RUNX1T1: variants seen among roughly 807,000 people sequenced by gnomAD.
RUNX1T1 encodes protein CBFA2T1.
In RUNX1T1, 4 loss-of-function variants were observed where a neutral mutation model predicts 62.8. The ratio of observed to expected loss-of-function variants is 0.06; its 90% CI spans 0.03 to 0.15. The LOEUF (loss-of-function observed/expected upper bound fraction) is 0.15, where lower values mean the gene tolerates loss of function less well. Ranked by LOEUF, RUNX1T1 falls within the 10% of genes least tolerant of loss-of-function variation. RUNX1T1 has a pLI of 1.00. For missense variants in RUNX1T1, 508 were observed against 754.3 expected (o/e 0.67, Z 3.82); for synonymous variants, 291 against 286.0 (o/e 1.02, Z -0.18).
At chr8:92,000,743 G>C (rs1170974411) in intron 5 of RUNX1T1, among the ~76,000 whole-genome samples, 1 of 152,102 alleles carries the variant, frequency 6.6e-6, no homozygotes, top group South Asian at 2.1e-4. Context: ...CATTAAGCCA[G>C]GAACACAGGC....
At chr8:92,040,750 A>AT (rs981593735) in intron 1 of RUNX1T1, among the ~76,000 whole-genome samples, 44 of 152,076 alleles carry the variant, frequency 2.9e-4, no homozygotes, top group Admixed American at 1.0e-3. Context: ...TTATAATGTA[A>AT]TTTTTTTTAG....
intron 1 of RUNX1T1, among the ~76,000 whole-genome samples, chr8:92,039,615 C>T (rs1828064242): frequency 6.6e-6 from 1 of 152,302 alleles, no homozygotes; most frequent in East Asian, 1.9e-4. Flanking sequence ...AACCTGTGAT[C>T]CACCTTGCCA....
At chr8:92,020,938 G>C (rs1563774099) in intron 1 of RUNX1T1, among the ~76,000 whole-genome samples, 1 of 151,244 alleles carries the variant, frequency 6.6e-6, no homozygotes, top group Non-Finnish European at 1.5e-5. Context: ...GGTACAAAAA[G>C]TAGGTATTCT....
intron 4 of RUNX1T1, 137 bp from the exon 6 acceptor site, chr8:92,005,434 A>T (rs1820569118): frequency 1.4e-6 from 1 of 706,478 alleles, no homozygotes; most frequent in Admixed American, 3.4e-5. Flanking sequence ...ATGGGCTGGA[A>T]CCACAGGCAC....
intron 9 of RUNX1T1, among the ~76,000 whole-genome samples, chr8:91,973,891 G>A (rs370601937): frequency 6.6e-6 from 1 of 152,026 alleles, no homozygotes; most frequent in Admixed American, 6.6e-5. Context: ...TTCCCAAACT[G>A]TTTTTAAGCA....
At chr8:91,977,559 G>A (rs1353337256) in intron 8 of RUNX1T1, 4 of 188,750 alleles carry the variant, frequency 2.1e-5, no homozygotes, top group Admixed American at 6.2e-5. Context: ...GAAATAAAGT[G>A]CAATCAAGTT....
At chr8:92,095,733 G>A (rs571192494) in intron 1 of RUNX1T1, 2 of 538,570 alleles carry the variant, frequency 3.7e-6, no homozygotes, top group Non-Finnish European at 6.0e-6. Context: ...GCCAGAAAGT[G>A]GGGGAGAGCT....
At chr8:92,088,396 C>T (rs1304103909) in intron 1 of RUNX1T1, among the ~76,000 whole-genome samples, 1 of 152,200 alleles carries the variant, frequency 6.6e-6, no homozygotes, top group Non-Finnish European at 1.5e-5. Context: ...GGGTATAGTA[C>T]TTCTAGTTTA....
intron 1 of RUNX1T1, among the ~76,000 whole-genome samples, chr8:92,033,544 G>C (rs1274501945): frequency 6.6e-6 from 1 of 152,130 alleles, no homozygotes; most frequent in Non-Finnish European, 1.5e-5. Context: ...CGGCACTTTC[G>C]GACGGTGAGG....
At chr8:92,099,725 T>A, upstream of RUNX1T1, 1 of 744,884 alleles carries the variant, frequency 1.3e-6, no homozygotes, top group Non-Finnish European at 1.6e-6. Context: ...TCAGTGCCTG[T>A]CAGCTGATGT....
upstream of RUNX1T1, among the ~76,000 whole-genome samples, chr8:92,064,643 A>C (rs1338145591): frequency 1.3e-5 from 2 of 152,100 alleles, no homozygotes; most frequent in Middle Eastern, 3.2e-3. Context: ...TACTATACTT[A>C]TGTTAGAAAG....
intron 2 of RUNX1T1, among the ~76,000 whole-genome samples, chr8:92,016,593 T>C (rs756369319): frequency 6.6e-6 from 1 of 152,068 alleles, no homozygotes; most frequent in Non-Finnish European, 1.5e-5. Context: ...GAGAATCGCT[T>C]GAACTTGGGA....
At chr8:92,060,553 A>ATATATATATATGTGTGTGTGTGTG in intron 1 of RUNX1T1, among the ~76,000 whole-genome samples, 133 of 63,796 alleles carry the variant, frequency 2.1e-3, no homozygotes, top group Non-Finnish European at 2.8e-3. Context: ...ATATATATAT[A>ATATATATATATGTGTGTGTGTGTG]TGTGTGTGTG....
At chr8:92,075,420 A>C (rs1420267787) in intron 2 of RUNX1T1, among the ~76,000 whole-genome samples, 1 of 152,214 alleles carries the variant, frequency 6.6e-6, no homozygotes, top group Non-Finnish European at 1.5e-5. Context: ...TGTTTTCCTA[A>C]ATTAAGATAT....
At chr8:92,093,568 T>C (rs1353923861) in intron 1 of RUNX1T1, among the ~76,000 whole-genome samples, 3 of 152,216 alleles carry the variant, frequency 2.0e-5, no homozygotes, top group Non-Finnish European at 4.4e-5. Flanking sequence ...TCTCGGCCTT[T>C]TGGCTAAGAT....
intron 8 of RUNX1T1, among the ~76,000 whole-genome samples, chr8:91,978,091 T>C (rs1243838704): frequency 6.6e-6 from 1 of 152,218 alleles, no homozygotes; most frequent in East Asian, 1.9e-4. Flanking sequence ...TAAACATTTT[T>C]TTTTTATTAA....
At chr8:92,062,490 A>G (rs542232265) in intron 1 of RUNX1T1, 34 of 1,576,076 alleles carry the variant, frequency 2.2e-5, no homozygotes, top group Non-Finnish European at 3.0e-5. Context: ...TGCATAATAG[A>G]AAGTAAGCTT....
At chr8:92,079,252 T>C (rs1258055187) in intron 1 of RUNX1T1, among the ~76,000 whole-genome samples, 4 of 152,222 alleles carry the variant, frequency 2.6e-5, no homozygotes, top group African/African-American at 9.6e-5. Context: ...ACATTTTATA[T>C]CATAAAAGCT....
chr8:91,981,336 C>T (rs2976503), intron 8 of RUNX1T1, among the ~76,000 whole-genome samples: 4 of 143,624 alleles, frequency 2.8e-5, no homozygotes, highest in African/African-American at 1.0e-4. Flanking sequence ...TTTTAAAATA[C>T]TAATTCCTCT....
Sources: allele counts gnomAD v4.1 joint callset (sites outside exome capture counted in the v4.1 genomes callset), GRCh38; gene constraint gnomAD v4.1.1; transcripts MANE v1.5; gene names NCBI Gene and HGNC (gene_info 2026-07-23, HGNC 2026-07-21).